The following ADCK5 variants were observed in gnomAD, a reference collection of about 807,000 sequenced individuals.
ADCK5 encodes the protein aarF domain containing kinase 5, also known as uncharacterized aarF domain-containing protein kinase 5.
ADCK5 carries 43 observed loss-of-function variants against 64.9 expected under a neutral mutation model. The ratio of observed to expected loss-of-function variants is 0.66; its 90% CI spans 0.52 to 0.85. The LOEUF is 0.85. Ranked by LOEUF, ADCK5 falls within the 40% of genes least tolerant of loss-of-function variation. ADCK5 has a pLI of 0.00. For synonymous variants in ADCK5, 434 were observed against 342.8 expected (o/e 1.27, Z -2.94); for missense variants, 760 against 810.5 (o/e 0.94, Z 0.76).
In ADCK5 at chr8:144,376,657, G is replaced by A. The variant is rs1819379359; in HGVS notation, c.12+2550G>A. On this transcript the variant is annotated intron_variant, in intron 1 of 14. Transcript: ENST00000308860. This position sits in a 1 kb window ranked among gnomAD's most constrained non-coding sequence, Gnocchi z 5.1. ...TGCGTTGCTGGTCATGGATGAGGTGGGCAGTGGCTGGGATAGCCACCTGGA... is the reference window on the plus strand; with the variant it reads ...TGCGTTGCTGGTCATGGATGAGGTGAGCAGTGGCTGGGATAGCCACCTGGA... Among the ~76,000 whole-genome samples the A allele has an allele frequency of 6.6e-6, 1 of 152,210 alleles. No individual in the cohort carries two copies. Among genetic ancestry groups the A allele is most frequent in the Admixed American group, 6.5e-5 (1 of 15,278 alleles).
chr8:144,388,197 A>T (rs1820008167), intron 3 of ADCK5, among the ~76,000 whole-genome samples: 1 of 150,450 alleles, frequency 6.6e-6, no homozygotes, highest in Non-Finnish European at 1.5e-5. Flanking sequence ...ATCTCTACTA[A>T]AGATAGAAAA....
intron 13 of ADCK5, 35 bp from the exon 14 acceptor site, chr8:144,392,741 T>TG: frequency 6.3e-7 from 1 of 1,586,382 alleles, no homozygotes; most frequent in Non-Finnish European, 8.6e-7. Context: ...GGGGCTGGTG[T>TG]GGGGCTGACG....
chr8:144,392,370 G>T, intron 12 of ADCK5, 25 bp downstream of exon 12: 4 of 1,176,360 alleles, frequency 3.4e-6, no homozygotes, highest in Non-Finnish European at 4.7e-6. Context: ...GGATGGCTGG[G>T]GCACCACAGA....
intron 3 of ADCK5, among the ~76,000 whole-genome samples, chr8:144,386,521 C>A (rs1228127482): frequency 5.3e-5 from 8 of 151,838 alleles, no homozygotes; most frequent in African/African-American, 1.9e-4. Context: ...TCACGCCCGG[C>A]TAATTTTTGT....
At position 144,392,939 on chromosome 8, in the gene ADCK5, C is replaced by CACCTGTG. The variant is rs200275320; in HGVS notation, c.1638-17_1638-11dup. 8.7e-3 allele frequency: 13,792 copies of CACCTGTG among 1,585,110 alleles called. 1,017 individuals carry two copies. In the African/African-American group the frequency reaches 0.16, roughly 19 times the overall value. On this transcript the variant is annotated intron_variant, in intron 14 of 14. Coordinates refer to ENST00000308860, the MANE Select transcript of ADCK5 (RefSeq NM_174922.5). ...GGGTGGCGGGGGCCTGCTCCCCACC[C>CACCTGTG]ACCTGTGACCTGTGACCTGACCCAC...
chr8:144,392,450 C>A lies in ADCK5; in HGVS notation c.1273C>A (p.Leu425Ile). Residue 425 changes from leucine to isoleucine, a missense_variant, in exon 13 of 15, where the codon CTC becomes ATC. By Grantham distance (5) the Leu-to-Ile change is conservative. Coordinates refer to ENST00000308860, the MANE Select transcript of ADCK5 (RefSeq NM_174922.5). ...HAAALGVQDY[L>I]LFAEMLMQRP... ...CTCCCTCCCTCCCTCCCCAGACTAC[C>A]TCCTGTTCGCCGAGATGCTCATGCA... 3 of 1,189,082 alleles carry A rather than the reference C, an allele frequency of 2.5e-6. No homozygotes were observed. The highest frequency in any genetic ancestry group is 3.4e-6 in the Non-Finnish European group (3 of 888,326). 73.7% of individuals were successfully genotyped at this position (1,189,082 alleles called of 1,614,324 possible). A position where few individuals can be genotyped will look rare whatever the true frequency, so the allele number is the denominator to read the frequency against.
chr8:144,390,887 C>T lies in ADCK5; in HGVS notation c.374C>T (p.Ala125Val), dbSNP rs782813437. The T allele has an allele frequency of 3.1e-6, 5 of 1,612,764 alleles. No individual in the cohort carries two copies. Among genetic ancestry groups the T allele is most frequent in the Admixed American group, 1.7e-5 (1 of 60,002 alleles). The change falls in exon 5 of 15, where the codon GCG (alanine) becomes GTG (valine). Residue 125 changes from alanine to valine, a missense_variant. Ala to Val is a moderately conservative substitution (Grantham distance 64). This residue lies in a region of ADCK5 where 427 missense variants were observed against 518.4 expected (regional missense o/e 0.82). Coordinates refer to ENST00000308860, the MANE Select transcript of ADCK5 (RefSeq NM_174922.5). ...NSPGYLEVMSACHQRAADALV... is the reference protein window; with the variant it reads ...NSPGYLEVMSVCHQRAADALV... Reference sequence around the variant, plus strand: ...CCAGGCTACTTGGAGGTGATGTCTGCGTGTCACCAGCGGGCGGCTGATGCC... The same window carrying T: ...CCAGGCTACTTGGAGGTGATGTCTGTGTGTCACCAGCGGGCGGCTGATGCC...
chr8:144,390,693 A>C lies in ADCK5; in HGVS notation c.289A>C (p.Ile97Leu). The change falls in exon 4 of 15, where the codon ATC (isoleucine) becomes CTC (leucine). Residue 97 changes from isoleucine (I) to leucine (L), a missense_variant. Coordinates refer to ENST00000308860, the MANE Select transcript of ADCK5 (RefSeq NM_174922.5). ...CAGGTCTCTGAAGGTCGGCCTGCAGATCTCCCTGGACTACTGGTGGTGCAC... is the reference window on the plus strand; with the variant it reads ...CAGGTCTCTGAAGGTCGGCCTGCAGCTCTCCCTGGACTACTGGTGGTGCAC... ...FGRSLKVGLQ[I>L]SLDYWWCTNV... 4 of 1,613,798 alleles carry C rather than the reference A, an allele frequency of 2.5e-6. No individual in the cohort carries two copies. Among genetic ancestry groups the C allele is most frequent in the Non-Finnish European group, 3.4e-6 (4 of 1,179,992 alleles).
rs144468467 is a variant in ADCK5, at chr8:144,384,613, C to T, written c.266+1383C>T. Among the ~76,000 whole-genome samples the T allele has an allele frequency of 7.9e-5, 12 of 152,268 alleles. No individual in the cohort carries two copies. In the East Asian group the frequency reaches 2.1e-3, roughly 27 times the overall value. On this transcript the variant is annotated intron_variant, in intron 3 of 14. Coordinates refer to ENST00000308860, the MANE Select transcript of ADCK5 (RefSeq NM_174922.5). The surrounding 1 kb of genome is among the most constrained non-coding windows in gnomAD (Gnocchi z 5.7). Reference sequence around the variant, plus strand: ...CCTCTGCCTTTTTCTCGTGACCCTCCGCTGCAGTGCATGCAAGGGCCACAC... The same window carrying T: ...CCTCTGCCTTTTTCTCGTGACCCTCTGCTGCAGTGCATGCAAGGGCCACAC...
chr8:144,388,928 G>A (rs1350403614), intron 3 of ADCK5, among the ~76,000 whole-genome samples: 2 of 152,224 alleles, frequency 1.3e-5, no homozygotes, highest in East Asian at 3.9e-4. Flanking sequence ...AATGACTGTG[G>A]GCCCTGTCCC....
rs1819261729 is a variant in ADCK5, at chr8:144,374,048, A to G, written c.-48A>G. On this transcript the variant is annotated 5_prime_UTR_variant, in exon 1 of 15. Transcript: ENST00000308860. ...CTCCCGCAGGGCCTGCTGGGCTGCG[A>G]GACGCTAAGCGGCGCCGGGCGGGAG... The G allele has an allele frequency of 3.2e-6, 4 of 1,244,336 alleles. No individual in the cohort carries two copies. Among genetic ancestry groups the G allele is most frequent in the South Asian group, 8.2e-5 (2 of 24,442 alleles). 77.1% of individuals were successfully genotyped at this position (1,244,336 alleles called of 1,614,324 possible). A position where few individuals can be genotyped will look rare whatever the true frequency, so the allele number is the denominator to read the frequency against.
At chr8:144,379,696 C>T (rs1381237253) in intron 2 of ADCK5, among the ~76,000 whole-genome samples, 1 of 152,164 alleles carries the variant, frequency 6.6e-6, no homozygotes, top group African/African-American at 2.4e-5. Flanking sequence ...GTGGGCACAC[C>T]CTGATCACAG....
rs1414309451 is a variant in ADCK5 at position 144,392,978 on chromosome 8, C to T, written c.1647C>T (p.Thr549=). ...LKFEVALRLE[T]LAMRLTALLA... ...GACCTGACCCACGCAGGCTGGAGAC[C>T]TTGGCCATGCGGCTGACCGCCCTCC... is the stretch of plus-strand genomic sequence containing the variant. The change falls in exon 15 of 15, where the codon ACC becomes ACT. Residue 549 remains threonine, a synonymous_variant. Transcript: ENST00000308860. 1 of 1,588,460 alleles carries T rather than the reference C, an allele frequency of 6.3e-7. No homozygotes were observed. The highest frequency in any genetic ancestry group is 1.8e-5 in the Admixed American group (1 of 56,794).
chr8:144,387,381 C>T (rs1554859466), intron 3 of ADCK5, among the ~76,000 whole-genome samples: 3 of 152,080 alleles, frequency 2.0e-5, no homozygotes, highest in Admixed American at 2.0e-4. Context: ...TCTCACTGCT[C>T]CTCCACCCAG....
chr8:144,379,416 G>A lies in ADCK5; in HGVS notation c.42G>A (p.Leu14=). ...PVQLCHFHSA[L]LHSRQKPWPS... is the part of the protein sequence containing the mutation. ...AGCTCTGTCATTTCCACTCTGCTCT[G>A]CTGCACAGCAGGCAGAAGCCCTGGC... Residue 14 remains leucine, a synonymous_variant, in exon 2 of 15, where the codon CTG becomes CTA. Coordinates refer to ENST00000308860, the MANE Select transcript of ADCK5 (RefSeq NM_174922.5). 6.2e-7 allele frequency: 1 copy of A among 1,610,646 alleles called. No homozygotes were observed. The highest frequency in any genetic ancestry group is 8.5e-7 in the Non-Finnish European group (1 of 1,178,216).
At chr8:144,388,629 G>T (rs1820047451) in intron 3 of ADCK5, among the ~76,000 whole-genome samples, 1 of 151,948 alleles carries the variant, frequency 6.6e-6, no homozygotes, top group South Asian at 2.1e-4. Flanking sequence ...GCCGGGCGTG[G>T]TGTTGGGCGC....
rs1468472078 is a variant in ADCK5 at position 144,376,181 on chromosome 8, C to G, written c.12+2074C>G. On this transcript the variant is annotated intron_variant, in intron 1 of 14. Coordinates refer to ENST00000308860, the MANE Select transcript of ADCK5 (RefSeq NM_174922.5). The surrounding 1 kb of genome is among the most constrained non-coding windows in gnomAD (Gnocchi z 5.1). ...TGGCAGGCACTGTGGGTTATCAGTG[C>G]CTGTTGCTTGGCAGGGCCATGTGGG... 2.0e-5 allele frequency among the ~76,000 whole-genome samples: 3 copies of G among 152,184 alleles called. No homozygotes were observed. The highest frequency in any genetic ancestry group is 7.2e-5 in the African/African-American group (3 of 41,434).
At chr8:144,374,863 G>A (rs1285433024) in intron 1 of ADCK5, among the ~76,000 whole-genome samples, 2 of 152,192 alleles carry the variant, frequency 1.3e-5, no homozygotes, top group Non-Finnish European at 2.9e-5. Flanking sequence ...GCCGGGTCCC[G>A]TTGCTCTGTC....
At chr8:144,380,305 T>C (rs1819551553) in intron 2 of ADCK5, among the ~76,000 whole-genome samples, 2 of 150,580 alleles carry the variant, frequency 1.3e-5, no homozygotes, top group South Asian at 2.1e-4. Flanking sequence ...TAGAAACAGA[T>C]GTGTGCTCAG....
Sources: allele counts gnomAD v4.1 joint callset (sites outside exome capture counted in the v4.1 genomes callset), GRCh38; gene constraint gnomAD v4.1.1; regional missense constraint gnomAD v4.1.1; non-coding constraint Gnocchi (gnomAD v3.1); transcripts MANE v1.5; gene names NCBI Gene and HGNC (gene_info 2026-07-23, HGNC 2026-07-21).